The following PPM1D variants were observed in gnomAD, a reference collection of about 807,000 sequenced individuals.
The protein encoded by PPM1D is protein phosphatase 1D.
Under a neutral mutation model 58.3 loss-of-function variants are expected in PPM1D, and 52 were observed. That is an observed-to-expected ratio of 0.89 (90% confidence interval 0.71 to 1.12). The LOEUF is 1.12. Ranked by LOEUF, PPM1D falls within the 50% of genes most tolerant of loss-of-function variation. The probability of loss-of-function intolerance (pLI) is 0.00; values close to 1 mark genes in which losing one functional copy is unlikely to be tolerated. For missense variants in PPM1D, 564 were observed against 777.2 expected, an observed-to-expected ratio of 0.73 and a Z score of 3.26; for synonymous variants, 278 against 285.1, an observed-to-expected ratio of 0.98 and a Z score of 0.25.
At chr17:60,603,672 G>A (rs1190324839) in intron 1 of PPM1D, among the ~76,000 whole-genome samples, 1 of 152,110 alleles carries the variant, frequency 6.6e-6, no homozygotes, top group African/African-American at 2.4e-5. Flanking sequence ...CTTAGGCAGA[G>A]AGAATTGCTT....
intron 1 of PPM1D, among the ~76,000 whole-genome samples, chr17:60,610,258 AG>A (rs2143629171): frequency 1.3e-5 from 2 of 152,010 alleles, no homozygotes; most frequent in East Asian, 3.9e-4. Flanking sequence ...CCAAAGTTTC[AG>A]GCATCCTTTG....
Position 60,647,930 on chromosome 17 carries a change from G to A in PPM1D, c.865G>A (p.Val289Met). The part of the protein sequence containing the change: ...WSYDFFSGEF[V>M]VSPEPDTSVH... Reference sequence around the variant, plus strand: ...CTATGATTTCTTCAGTGGTGAATTTGTGGTGTCACCTGAACCAGACACAAG... The same window carrying A: ...CTATGATTTCTTCAGTGGTGAATTTATGGTGTCACCTGAACCAGACACAAG... The change falls in exon 4 of 6, where the codon GTG becomes ATG. Residue 289 changes from valine to methionine, a missense_variant. Coordinates refer to ENST00000305921, the MANE Select transcript of PPM1D (RefSeq NM_003620.4). 1.2e-6 allele frequency: 2 copies of A among 1,613,398 alleles called. No homozygotes were observed. The highest frequency in any genetic ancestry group is 1.3e-5 in the African/African-American group (1 of 75,004).
intron 1 of PPM1D, among the ~76,000 whole-genome samples, chr17:60,610,927 A>G (rs904950057): frequency 6.6e-6 from 1 of 152,214 alleles, no homozygotes; most frequent in African/African-American, 2.4e-5. Context: ...CTTCTTGCCA[A>G]TACTTGAAGT....
chr17:60,601,461 A>G (rs2030209758), intron 1 of PPM1D, among the ~76,000 whole-genome samples: 1 of 152,210 alleles, frequency 6.6e-6, no homozygotes, highest in South Asian at 2.1e-4. Flanking sequence ...TTCCGTTGTA[A>G]TGATGGTGAG....
chr17:60,663,054 T>G lies in PPM1D; in HGVS notation c.1320T>G (p.Val440=). 1 of 1,614,194 alleles carries G rather than the reference T, an allele frequency of 6.2e-7. No individual in the cohort carries two copies. Among genetic ancestry groups the G allele is most frequent in the East Asian group, 2.2e-5 (1 of 44,882 alleles). Residue 440 remains valine (V), a synonymous_variant, in exon 6 of 6, where the codon GTT becomes GTG. Coordinates refer to ENST00000305921, the MANE Select transcript of PPM1D (RefSeq NM_003620.4). ...CTAAGGACCATATACCTGCCCTGGT[T>G]CGTAGCAATGCCTTCTCAGAGAATT... ...VNSKDHIPAL[V]RSNAFSENFL... is the part of the protein sequence containing the mutation.
chr17:60,615,897 G>C (rs1010580448), intron 1 of PPM1D, among the ~76,000 whole-genome samples: 1 of 152,032 alleles, frequency 6.6e-6, no homozygotes, highest in African/African-American at 2.4e-5. Context: ...TTCAATCACA[G>C]TGCACTATAG....
At chr17:60,658,241 A>G (rs1341216071) in intron 5 of PPM1D, among the ~76,000 whole-genome samples, 2 of 152,228 alleles carry the variant, frequency 1.3e-5, no homozygotes, top group Non-Finnish European at 2.9e-5. Context: ...AGGAGGAGAC[A>G]TTAGGGTGGG....
At chr17:60,662,649 A>T (rs2031545172) in intron 5 of PPM1D, among the ~76,000 whole-genome samples, 1 of 152,130 alleles carries the variant, frequency 6.6e-6, no homozygotes, top group Non-Finnish European at 1.5e-5. Flanking sequence ...GTTTGTTTTG[A>T]AATCTTGTTC....
intron 1 of PPM1D, among the ~76,000 whole-genome samples, chr17:60,618,964 C>T (rs761928615): frequency 6.6e-6 from 1 of 152,090 alleles, no homozygotes; most frequent in Non-Finnish European, 1.5e-5. Flanking sequence ...ATTAACTATA[C>T]TCTCTGTGTT....
intron 5 of PPM1D, 117 bp from the exon 6 acceptor site, chr17:60,662,878 T>C (rs1455134597): frequency 4.4e-6 from 4 of 915,920 alleles, no homozygotes; most frequent in African/African-American, 1.7e-5. Flanking sequence ...AATTAGTGAA[T>C]GCATACCCCG....
At chr17:60,603,108 T>A (rs967969402) in intron 1 of PPM1D, among the ~76,000 whole-genome samples, 1 of 152,188 alleles carries the variant, frequency 6.6e-6, no homozygotes, top group Non-Finnish European at 1.5e-5. Context: ...AATATATCCA[T>A]CATGTAGATT....
chr17:60,605,420 G>C (rs548769694), intron 1 of PPM1D, among the ~76,000 whole-genome samples: 1 of 152,312 alleles, frequency 6.6e-6, no homozygotes, highest in South Asian at 2.1e-4. Flanking sequence ...TTTGGGGCCA[G>C]AGATACTGCC....
At chr17:60,607,317 T>C (rs2030351443) in intron 1 of PPM1D, among the ~76,000 whole-genome samples, 1 of 151,798 alleles carries the variant, frequency 6.6e-6, no homozygotes, top group African/African-American at 2.4e-5. Flanking sequence ...AGTTTTGCTC[T>C]TGTTGCCCAG....
rs1457214887 is a variant in PPM1D, at chr17:60,651,710, A to G, written c.1017+3628A>G. On this transcript the variant is annotated intron_variant, in intron 4 of 5. Coordinates refer to ENST00000305921, the MANE Select transcript of PPM1D (RefSeq NM_003620.4). ...CATGCCAAGCCACCACGCCCAGCCG[A>G]CAGTGTTTTTTATTTCGTTTGTGGC... is the stretch of plus-strand genomic sequence containing the variant. Among the ~76,000 whole-genome samples, 3 of 152,182 alleles carry G rather than the reference A, an allele frequency of 2.0e-5. No individual in the cohort carries two copies. The East Asian group carries it at 5.8e-4, about 29-fold the overall frequency.
At chr17:60,639,006 G>T (rs2031080309) in intron 3 of PPM1D, among the ~76,000 whole-genome samples, 2 of 152,124 alleles carry the variant, frequency 1.3e-5, no homozygotes, top group Non-Finnish European at 2.9e-5. Context: ...AGTATAGTGT[G>T]TATGAAGCAC....
At chr17:60,635,747 G>A (rs2031011257) in intron 3 of PPM1D, among the ~76,000 whole-genome samples, 1 of 152,152 alleles carries the variant, frequency 6.6e-6, no homozygotes, top group Non-Finnish European at 1.5e-5. Flanking sequence ...TCAGTTCAGA[G>A]ATATCTACAT....
intron 4 of PPM1D, among the ~76,000 whole-genome samples, chr17:60,654,579 C>T (rs1489687506): frequency 2.0e-5 from 3 of 151,236 alleles, no homozygotes; most frequent in African/African-American, 4.9e-5. Context: ...TACATGCAGG[C>T]AGCCGGGCAC....
At chr17:60,643,694 A>G (rs184238001) in intron 3 of PPM1D, among the ~76,000 whole-genome samples, 2 of 152,086 alleles carry the variant, frequency 1.3e-5, no homozygotes, top group African/African-American at 4.8e-5. Flanking sequence ...AATACTGCCA[A>G]TAATAGGACT....
chr17:60,635,170 C>G (rs1341455065), intron 3 of PPM1D, among the ~76,000 whole-genome samples: 2 of 151,674 alleles, frequency 1.3e-5, no homozygotes, highest in African/African-American at 4.8e-5. Context: ...CAAGCATTTG[C>G]TATTATGAAA....
Sources: gnomAD v4.1 joint callset for allele counts (sites outside exome capture counted in the v4.1 genomes callset) on GRCh38, gnomAD v4.1.1 for gene constraint, MANE v1.5 for transcripts, NCBI Gene and HGNC (gene_info 2026-07-23, HGNC 2026-07-21) for gene names.